Variants in MSI2 observed in about 807,000 individuals in gnomAD.
MSI2 encodes musashi RNA binding protein 2, also known as RNA-binding protein Musashi homolog 2.
Under a neutral mutation model 45.6 loss-of-function variants are expected in MSI2, and 17 were observed. The observed-to-expected ratio is 0.37, with a 90% CI of 0.26 to 0.56. The LOEUF (loss-of-function observed/expected upper bound fraction) is 0.56. MSI2 is among the 20% of genes least tolerant of loss of function. The pLI is 0.77. For synonymous variants in MSI2, 156 were observed against 158.2 expected, an observed-to-expected ratio of 0.99 and a Z score of 0.11; for missense variants, 293 against 444.2, an observed-to-expected ratio of 0.66 and a Z score of 3.06.
chr17:57,270,519 C>T (rs1264196174), intron 5 of MSI2, among the ~76,000 whole-genome samples: 1 of 152,212 alleles, frequency 6.6e-6, no homozygotes, highest in Non-Finnish European at 1.5e-5. Context: ...TGGAAAGCTT[C>T]AGGTTAATTT....
At position 57,684,088 on chromosome 17, in the gene MSI2, C is replaced by T. The variant is rs138382579; in HGVS notation, c.*4571C>T. The T allele has an allele frequency of 2.2e-3, 452 of 203,654 alleles. 1 individual carries two copies. The highest frequency in any genetic ancestry group is 8.9e-3 in the African/African-American group (389 of 43,608). The allele number at this position is 203,654 out of a possible 1,614,324, so 12.6% of individuals were successfully genotyped here. A position where few individuals can be genotyped will look rare whatever the true frequency, so the allele number is the denominator to read the frequency against. ...ATTGTCTCAGACAGGATTTCAGTTC[C>T]GGGAGGCAGGGGCATGATGGGGGAG... On this transcript the variant is annotated 3_prime_UTR_variant, in exon 14 of 14. Coordinates refer to ENST00000284073, the MANE Select transcript of MSI2 (RefSeq NM_138962.4).
At chr17:57,486,753 G>A (rs150267217) in intron 6 of MSI2, among the ~76,000 whole-genome samples, 1 of 152,286 alleles carries the variant, frequency 6.6e-6, no homozygotes, top group Middle Eastern at 3.4e-3. Flanking sequence ...GTTTGAAAGA[G>A]CTCTTTTATC....
chr17:57,647,274 C>CAAAAAAA (rs33915774), intron 10 of MSI2, among the ~76,000 whole-genome samples: 3 of 37,680 alleles, frequency 8.0e-5, no homozygotes, highest in Admixed American at 4.0e-4. Flanking sequence ...ACTAAAAATA[C>CAAAAAAA]AAAAAAAAAA....
At chr17:57,262,344 A>G in intron 5 of MSI2, 152 bp downstream of exon 5, 1 of 735,578 alleles carries the variant, frequency 1.4e-6, no homozygotes, top group Non-Finnish European at 2.2e-6. Context: ...GTCCTGTGAG[A>G]TAACCATGCG....
At chr17:57,605,933 T>C (rs1906519847) in intron 8 of MSI2, among the ~76,000 whole-genome samples, 1 of 152,224 alleles carries the variant, frequency 6.6e-6, no homozygotes. Flanking sequence ...TGCTGGAGGC[T>C]GAGGTTTCTT....
chr17:57,268,610 G>T (rs1908044367), intron 5 of MSI2: 1 of 151,896 alleles, frequency 6.6e-6, no homozygotes, highest in Non-Finnish European at 1.5e-5. Flanking sequence ...GGCCGAGGCG[G>T]GTGGGTCACG....
intron 6 of MSI2, among the ~76,000 whole-genome samples, chr17:57,504,746 C>T (rs893716856): frequency 3.3e-5 from 5 of 152,086 alleles, no homozygotes; most frequent in African/African-American, 4.8e-5. Context: ...GCCTGACCAA[C>T]ACGGTGAAAC....
At chr17:57,518,459 G>A (rs1384040909) in intron 6 of MSI2, among the ~76,000 whole-genome samples, 1 of 152,204 alleles carries the variant, frequency 6.6e-6, no homozygotes, top group Non-Finnish European at 1.5e-5. Flanking sequence ...CCCGTATTAG[G>A]ACAGATGAGG....
At position 57,637,792 on chromosome 17, in the gene MSI2, G is replaced by A. The variant is rs551350251; in HGVS notation, c.727+10489G>A. Among the ~76,000 whole-genome samples, 5 of 152,352 alleles carry A rather than the reference G, an allele frequency of 3.3e-5. No individual in the cohort carries two copies. In the South Asian group the frequency reaches 1.0e-3, roughly 32 times the overall value. On this transcript the variant is annotated intron_variant, in intron 10 of 13. Transcript: ENST00000284073. ...AAGGCAACCCGGCCCAAGGAGCAGA[G>A]GGCCCCGCCAGCTATGGCAGGATGG...
Position 57,350,750 on chromosome 17 carries a change from C to T in MSI2, c.313-50629C>T, listed in dbSNP as rs555095691. Among the ~76,000 whole-genome samples, 4 of 152,308 alleles carry T rather than the reference C, an allele frequency of 2.6e-5. No homozygotes were observed. The East Asian group carries it at 7.7e-4, about 29-fold the overall frequency. The stretch of plus-strand genomic sequence containing the variant: ...TCCCCTCTGCCTCCTCCTCCTGTGC[C>T]TGCTAGGCTGTGCTCCTCTCTGTCA... On this transcript the variant is annotated intron_variant, in intron 5 of 13. Coordinates refer to ENST00000284073, the MANE Select transcript of MSI2 (RefSeq NM_138962.4).
rs559524633 is a variant in MSI2, at chr17:57,499,678, G to A, written c.406-29998G>A. 2.4e-4 allele frequency among the ~76,000 whole-genome samples: 36 copies of A among 152,276 alleles called. No homozygotes were observed. In the East Asian group the frequency reaches 6.4e-3, roughly 27 times the overall value. Reference sequence around the variant, plus strand: ...GTTTCTGTGGAGCGGGAATTTGGGCGGGACTCAACTGAGTGGTTCAGGCTG... The same window carrying A: ...GTTTCTGTGGAGCGGGAATTTGGGCAGGACTCAACTGAGTGGTTCAGGCTG... On this transcript the variant is annotated intron_variant, in intron 6 of 13. Transcript: ENST00000284073.
At chr17:57,282,880 G>A (rs867977873) in intron 5 of MSI2, among the ~76,000 whole-genome samples, 15 of 134,596 alleles carry the variant, frequency 1.1e-4, no homozygotes, top group African/African-American at 3.5e-4. Flanking sequence ...GAGACTTGCC[G>A]TCAGGGCAGT....
At chr17:57,297,132 C>G (rs1212190602) in intron 5 of MSI2, among the ~76,000 whole-genome samples, 1 of 151,558 alleles carries the variant, frequency 6.6e-6, no homozygotes, top group Non-Finnish European at 1.5e-5. Context: ...CTTGGCCTCC[C>G]AAAGTGCTAG....
intron 6 of MSI2, among the ~76,000 whole-genome samples, chr17:57,436,238 G>A (rs764578088): frequency 1.3e-4 from 20 of 152,196 alleles, no homozygotes; most frequent in Non-Finnish European, 2.6e-4. Context: ...ATGTTGATCT[G>A]TAAGATGGGA....
intron 8 of MSI2, among the ~76,000 whole-genome samples, chr17:57,602,801 C>G (rs1266853259): frequency 1.3e-5 from 2 of 152,124 alleles, no homozygotes. Context: ...AAAGTGTGGT[C>G]CATGTACCAG....
At chr17:57,573,870 T>C (rs745446248) in intron 7 of MSI2, among the ~76,000 whole-genome samples, 9 of 152,188 alleles carry the variant, frequency 5.9e-5, no homozygotes, top group Non-Finnish European at 1.2e-4. Flanking sequence ...TGGGATAACA[T>C]TACTTGCCTT....
At chr17:57,584,711 G>A (rs1326938002) in intron 7 of MSI2, among the ~76,000 whole-genome samples, 1 of 152,046 alleles carries the variant, frequency 6.6e-6, no homozygotes, top group Non-Finnish European at 1.5e-5. Flanking sequence ...TGGGGAAGCT[G>A]AGTGCACCAG....
intron 5 of MSI2, among the ~76,000 whole-genome samples, chr17:57,293,595 G>GTTTTTTTTTTTTTTTTTTTTTTTTT (rs71139983): frequency 7.4e-5 from 10 of 134,714 alleles, no homozygotes; most frequent in Non-Finnish European, 1.2e-4. Context: ...TTGTTTTTTT[G>GTTTTTTTTTTTTTTTTTTTTTTTTT]TTTTTTTTTT....
intron 9 of MSI2, among the ~76,000 whole-genome samples, chr17:57,620,658 A>G (rs1224695988): frequency 6.6e-6 from 1 of 152,184 alleles, no homozygotes; most frequent in Non-Finnish European, 1.5e-5. Flanking sequence ...CTCCCAGCCC[A>G]AGGAGTTTGG....
Sources: allele counts gnomAD v4.1 joint callset (sites outside exome capture counted in the v4.1 genomes callset), GRCh38; gene constraint gnomAD v4.1.1; transcripts MANE v1.5; gene names NCBI Gene and HGNC (gene_info 2026-07-23, HGNC 2026-07-21).